Variants in LRRC37A2 observed in about 807,000 individuals in gnomAD.
The protein encoded by LRRC37A2 is leucine rich repeat containing 37 member A2, also known as leucine-rich repeat-containing protein 37A2.
In LRRC37A2, 9 loss-of-function variants were observed where a neutral mutation model predicts 68.8. The observed-to-expected ratio is 0.13, with a 90% confidence interval of 0.08 to 0.23. The LOEUF is 0.23. Ranked by LOEUF, LRRC37A2 falls within the 10% of genes least tolerant of loss-of-function variation. LRRC37A2 has a pLI of 1.00. For missense variants in LRRC37A2, 168 were observed against 950.4 expected (o/e 0.18, Z 10.82); for synonymous variants, 63 against 367.6 (o/e 0.17, Z 9.48).
chr17:46,676,210 A>G, the LRRC37A2 span, among the ~76,000 whole-genome samples: 2 of 146,216 alleles, frequency 1.4e-5, no homozygotes, highest in Non-Finnish European at 2.9e-5. Context: ...GAAGCTGGGA[A>G]ATCTCCTATG....
chr17:46,895,472 T>C, the LRRC37A2 span, among the ~76,000 whole-genome samples: 6 of 152,194 alleles, frequency 3.9e-5, no homozygotes, highest in Non-Finnish European at 7.3e-5. Flanking sequence ...GTGCCTACCA[T>C]GGAGGCTGAT....
At chr17:46,777,512 C>T in the LRRC37A2 span, among the ~76,000 whole-genome samples, 4 of 152,268 alleles carry the variant, frequency 2.6e-5, no homozygotes, top group Non-Finnish European at 2.9e-5. Context: ...TCCCAGACAT[C>T]TCCAGGAAGA....
intron 12 of LRRC37A2, chr17:46,554,226 G>A (rs2057131824): frequency 6.1e-6 from 1 of 163,582 alleles, no homozygotes; most frequent in Non-Finnish European, 8.9e-6. Context: ...TTAGGAGCTC[G>A]TGACCAGCCT....
the LRRC37A2 span, among the ~76,000 whole-genome samples, chr17:47,024,214 A>G: frequency 1.3e-5 from 2 of 152,156 alleles, no homozygotes; most frequent in African/African-American, 4.8e-5. Flanking sequence ...TATAAACAAC[A>G]TTTATGTTAT....
chr17:47,011,551 CAA>C, the LRRC37A2 span, among the ~76,000 whole-genome samples: 10 of 96,422 alleles, frequency 1.0e-4, no homozygotes, highest in Admixed American at 2.1e-4. Context: ...GACTCTGTTT[CAA>C]AAAAAAAAAA....
chr17:46,954,464 C>A, the LRRC37A2 span, among the ~76,000 whole-genome samples: 1 of 151,976 alleles, frequency 6.6e-6, no homozygotes, highest in African/African-American at 2.4e-5. Flanking sequence ...TGAAATCAGG[C>A]AGTGTGATGC....
the LRRC37A2 span, chr17:46,602,625 A>G: frequency 5.3e-5 from 5 of 94,890 alleles, no homozygotes; most frequent in African/African-American, 2.2e-4. Context: ...AAAAATTGTG[A>G]AGTGTTTTTA....
the LRRC37A2 span, among the ~76,000 whole-genome samples, chr17:46,424,426 A>G: frequency 8.9e-6 from 1 of 112,070 alleles, no homozygotes; most frequent in Non-Finnish European, 2.1e-5. Flanking sequence ...CATAACTTTC[A>G]TAGGTATTTC....
At chr17:46,944,395 A>G in the LRRC37A2 span, among the ~76,000 whole-genome samples, 2 of 152,176 alleles carry the variant, frequency 1.3e-5, no homozygotes, top group Admixed American at 6.5e-5. Flanking sequence ...GAATGGGGGT[A>G]ACACCTGTCC....
chr17:46,793,369 A>C, the LRRC37A2 span, among the ~76,000 whole-genome samples: 1 of 150,906 alleles, frequency 6.6e-6, no homozygotes, highest in African/African-American at 2.4e-5. Context: ...GGAGAAAGGG[A>C]AGGAAGTGCT....
chr17:46,989,700 G>A, the LRRC37A2 span, among the ~76,000 whole-genome samples: 1 of 152,252 alleles, frequency 6.6e-6, no homozygotes, highest in Admixed American at 6.5e-5. Flanking sequence ...AAAGCGTAAT[G>A]TAAGCAGAGG....
chr17:46,708,307 C>T, the LRRC37A2 span, among the ~76,000 whole-genome samples: 1 of 152,118 alleles, frequency 6.6e-6, no homozygotes, highest in Admixed American at 6.5e-5. Context: ...TACATTCCCA[C>T]CAGTGGTGCA....
chr17:46,982,689 G>A, the LRRC37A2 span, among the ~76,000 whole-genome samples: 10 of 152,168 alleles, frequency 6.6e-5, no homozygotes, highest in Non-Finnish European at 1.0e-4. Context: ...ATCATCCCTG[G>A]GGGAGGTGCT....
At chr17:46,955,967 A>G in the LRRC37A2 span, among the ~76,000 whole-genome samples, 1 of 152,194 alleles carries the variant, frequency 6.6e-6, no homozygotes, top group African/African-American at 2.4e-5. Flanking sequence ...TGGGATCCAG[A>G]TGCTGTCTCT....
the LRRC37A2 span, among the ~76,000 whole-genome samples, chr17:46,795,439 C>T: frequency 6.6e-6 from 1 of 152,120 alleles, no homozygotes; most frequent in Non-Finnish European, 1.5e-5. Flanking sequence ...AGAAGACCAG[C>T]CGGCCCGTGG....
chr17:47,014,721 C>T, the LRRC37A2 span, among the ~76,000 whole-genome samples: 15 of 152,028 alleles, frequency 9.9e-5, no homozygotes, highest in African/African-American at 3.6e-4. Flanking sequence ...CTTGTTAGAA[C>T]TCCCTTCAAA....
At chr17:46,796,459 G>C in the LRRC37A2 span, among the ~76,000 whole-genome samples, 20 of 152,162 alleles carry the variant, frequency 1.3e-4, no homozygotes, top group Non-Finnish European at 1.5e-5. Flanking sequence ...CATTACCCAG[G>C]TAATTAGGGA....
At chr17:46,404,879 A>AAAATAAATAAATAAAT in the LRRC37A2 span, among the ~76,000 whole-genome samples, 1 of 90,912 alleles carries the variant, frequency 1.1e-5, no homozygotes, top group African/African-American at 3.7e-5. Context: ...CAAACAAATT[A>AAAATAAATAAATAAAT]AAATAAATAA....
At chr17:46,935,402 T>G in the LRRC37A2 span, 1 of 1,432,294 alleles carries the variant, frequency 7.0e-7, no homozygotes, top group African/African-American at 1.4e-5. Flanking sequence ...TCTCTTAGGA[T>G]CCAGGTCTTT....
Sources: allele counts gnomAD v4.1 joint callset (sites outside exome capture counted in the v4.1 genomes callset), GRCh38; gene constraint gnomAD v4.1.1; transcripts MANE v1.5; gene names NCBI Gene and HGNC (gene_info 2026-07-23, HGNC 2026-07-21).